Variants in SEM1 observed in about 807,000 individuals in gnomAD.
The protein encoded by SEM1 is 26S proteasome complex subunit SEM1.
In SEM1, 3 loss-of-function variants were observed where a neutral mutation model predicts 12.7. The ratio of observed to expected loss-of-function variants is 0.24; its 90% CI spans 0.11 to 0.61. The LOEUF (loss-of-function observed/expected upper bound fraction) is 0.61. Among genes scored for constraint, SEM1 ranks in the 20% least tolerant of loss-of-function variants. SEM1 has a pLI of 0.88. For missense variants in SEM1, 59 were observed against 81.3 expected, an observed-to-expected ratio of 0.73 and a Z score of 1.06; for synonymous variants, 30 against 27.8, an observed-to-expected ratio of 1.08 and a Z score of -0.25.
chr7:96,515,997 C>T (rs1804084279), intron 2 of SEM1, among the ~76,000 whole-genome samples: 1 of 151,850 alleles, frequency 6.6e-6, no homozygotes, highest in South Asian at 2.1e-4. Flanking sequence ...GCATGTTGTG[C>T]ACATGTACCC....
chr7:96,484,011 C>T (rs1802651548), intron 3 of SEM1: 27 of 1,480,102 alleles, frequency 1.8e-5, no homozygotes, highest in Non-Finnish European at 2.3e-5. Flanking sequence ...ATGATAAATG[C>T]TGTGGGCCAG....
At chr7:96,663,486 G>A (rs1380792158) in intron 2 of SEM1, among the ~76,000 whole-genome samples, 5 of 152,066 alleles carry the variant, frequency 3.3e-5, no homozygotes, top group African/African-American at 1.2e-4. Flanking sequence ...ACTATGATTC[G>A]GGCCTGACAC....
chr7:96,556,602 TTCTC>T (rs1805510782), intron 2 of SEM1, among the ~76,000 whole-genome samples: 1 of 150,344 alleles, frequency 6.7e-6, no homozygotes, highest in South Asian at 2.2e-4. Flanking sequence ...AACCCGACCT[TTCTC>T]TCTGGCTGCC....
At chr7:96,706,143 GAAT>G (rs1402651989) in intron 1 of SEM1, 1 of 152,122 alleles carries the variant, frequency 6.6e-6, no homozygotes, top group Non-Finnish European at 1.5e-5. Flanking sequence ...CCACCAATTA[GAAT>G]AATTGTGAGG....
At chr7:96,583,721 A>T (rs1368068913) in intron 2 of SEM1, among the ~76,000 whole-genome samples, 3 of 150,750 alleles carry the variant, frequency 2.0e-5, no homozygotes, top group Non-Finnish European at 4.4e-5. Flanking sequence ...CTTTACCATT[A>T]TGTAATGGCC....
intron 2 of SEM1, among the ~76,000 whole-genome samples, chr7:96,541,985 G>T (rs1804971444): frequency 7.2e-6 from 1 of 138,454 alleles, no homozygotes; most frequent in Non-Finnish European, 1.5e-5. Flanking sequence ...TGCTCTTTGG[G>T]TTGCTGTGGC....
At chr7:96,692,381 T>A (rs1001108489) in intron 2 of SEM1, among the ~76,000 whole-genome samples, 1 of 152,002 alleles carries the variant, frequency 6.6e-6, no homozygotes, top group African/African-American at 2.4e-5. Flanking sequence ...CAAAAACATA[T>A]CAGGAAGAAA....
At position 96,555,762 on chromosome 7, in the gene SEM1, G is replaced by A. The variant is rs550964398; in HGVS notation, c.171-49064C>T. Among the ~76,000 whole-genome samples the A allele has an allele frequency of 6.2e-3, 885 of 141,714 alleles. 14 individuals carry two copies. The highest frequency in any genetic ancestry group is 0.021 in the African/African-American group (819 of 38,184). 93.0% of individuals were successfully genotyped at this position (141,714 alleles called of 152,430 possible). A position where few individuals can be genotyped will look rare whatever the true frequency, so the allele number is the denominator to read the frequency against. On this transcript the variant is annotated intron_variant and NMD_transcript_variant, in intron 2 of 3. Transcript: ENST00000466986. Reference sequence around the variant, plus strand: ...GGTATCCTTGTTGACTTTCTGTCTCGTTGATCTGTCTAATGTTGACAGTGG... The same window carrying A: ...GGTATCCTTGTTGACTTTCTGTCTCATTGATCTGTCTAATGTTGACAGTGG...
chr7:96,549,159 G>A (rs1316221724), intron 2 of SEM1, among the ~76,000 whole-genome samples: 2 of 152,150 alleles, frequency 1.3e-5, no homozygotes, highest in Non-Finnish European at 1.5e-5. Context: ...TGTTGGAAAA[G>A]CAGTAAAAGG....
intron 2 of SEM1, among the ~76,000 whole-genome samples, chr7:96,653,546 G>A (rs1403897405): frequency 1.3e-5 from 2 of 152,322 alleles, no homozygotes; most frequent in African/African-American, 4.8e-5. Context: ...ATGGGAAGAG[G>A]AATGGCATCA....
chr7:96,560,103 T>G (rs1156503431), intron 2 of SEM1, among the ~76,000 whole-genome samples: 1 of 152,126 alleles, frequency 6.6e-6, no homozygotes, highest in Non-Finnish European at 1.5e-5. Context: ...GCACGTAGGT[T>G]GCTTCAGATT....
At chr7:96,573,632 T>C (rs1209574731) in intron 2 of SEM1, among the ~76,000 whole-genome samples, 1 of 152,188 alleles carries the variant, frequency 6.6e-6, no homozygotes, top group Non-Finnish European at 1.5e-5. Flanking sequence ...TGTGGGGAGA[T>C]CTGCTGTTAG....
intron 2 of SEM1, among the ~76,000 whole-genome samples, chr7:96,631,433 C>T (rs572640632): frequency 2.0e-5 from 3 of 152,028 alleles, no homozygotes; most frequent in Non-Finnish European, 4.4e-5. Flanking sequence ...AATTACTGCA[C>T]TCTCTCTCTC....
intron 2 of SEM1, among the ~76,000 whole-genome samples, chr7:96,570,098 C>T (rs575548314): frequency 6.6e-6 from 1 of 151,954 alleles, no homozygotes; most frequent in Non-Finnish European, 1.5e-5. Flanking sequence ...GAGAAACCTT[C>T]ATACTATTTT....
intron 2 of SEM1, among the ~76,000 whole-genome samples, chr7:96,571,502 T>A (rs969050274): frequency 6.6e-6 from 1 of 151,840 alleles, no homozygotes; most frequent in Non-Finnish European, 1.5e-5. Flanking sequence ...TTGTCAAAGA[T>A]GAGATGGTTG....
At chr7:96,535,049 G>T (rs567734692) in intron 2 of SEM1, among the ~76,000 whole-genome samples, 25 of 151,992 alleles carry the variant, frequency 1.6e-4, no homozygotes, top group African/African-American at 6.0e-4. Context: ...TCATGCCATG[G>T]TTTGCATAGC....
chr7:96,523,551 A>G (rs996863454), intron 2 of SEM1, among the ~76,000 whole-genome samples: 1 of 152,080 alleles, frequency 6.6e-6, no homozygotes, highest in African/African-American at 2.4e-5. Flanking sequence ...CATCACTCTG[A>G]TCATCGTTCT....
chr7:96,596,348 C>T (rs1462719289), intron 2 of SEM1, among the ~76,000 whole-genome samples: 1 of 152,044 alleles, frequency 6.6e-6, no homozygotes, highest in Non-Finnish European at 1.5e-5. Context: ...ATTTGTTAGC[C>T]CTGGAAGAGC....
intron 2 of SEM1, among the ~76,000 whole-genome samples, chr7:96,572,654 T>C (rs911625604): frequency 1.3e-5 from 2 of 152,224 alleles, no homozygotes; most frequent in African/African-American, 4.8e-5. Context: ...AGACTGTTTG[T>C]TATGATTTCC....
Sources: gnomAD v4.1 joint callset for allele counts (sites outside exome capture counted in the v4.1 genomes callset) on GRCh38, gnomAD v4.1.1 for gene constraint, MANE v1.5 for transcripts, NCBI Gene and HGNC (gene_info 2026-07-23, HGNC 2026-07-21) for gene names.